Variants in MTUS2 observed in about 807,000 individuals in gnomAD.
MTUS2 encodes microtubule-associated tumor suppressor candidate 2.
MTUS2 carries 40 observed loss-of-function variants against 114.1 expected under a neutral mutation model. That is an observed-to-expected ratio of 0.35 (90% confidence interval 0.27 to 0.46). The LOEUF is 0.46. Ranked by LOEUF, MTUS2 falls within the 20% of genes least tolerant of loss-of-function variation. The pLI, the probability that MTUS2 is intolerant of heterozygous loss-of-function variation, is 1.00. For synonymous variants in MTUS2, 688 were observed against 672.0 expected (o/e 1.02, Z -0.37); for missense variants, 1,679 against 1,705.4 (o/e 0.98, Z 0.27).
chr13:29,479,274 C>T lies in MTUS2; in HGVS notation c.3185-876C>T, dbSNP rs1042825733. Among the ~76,000 whole-genome samples, 7 of 152,286 alleles carry T rather than the reference C, an allele frequency of 4.6e-5. No homozygotes were observed. The South Asian group carries it at 1.2e-3, about 27-fold the overall frequency. On this transcript the variant is annotated intron_variant, in intron 9 of 15. Transcript: ENST00000612955. ...ATTTGCATTTGGGTGTGTGTGGAAT[C>T]GGTTCCATTTGACCTAGATGTAGTC...
chr13:29,140,984 G>A (rs1427191124), intron 5 of MTUS2, among the ~76,000 whole-genome samples: 1 of 152,118 alleles, frequency 6.6e-6, no homozygotes, highest in Non-Finnish European at 1.5e-5. Flanking sequence ...TAGCCTTAGG[G>A]GTCCCCTGAC....
chr13:29,393,843 G>C (rs374291694), intron 8 of MTUS2, among the ~76,000 whole-genome samples: 3 of 152,172 alleles, frequency 2.0e-5, no homozygotes, highest in African/African-American at 7.2e-5. Context: ...GGGACAACTC[G>C]AAGTCGGGAG....
chr13:28,943,492 G>C (rs1260783898), intron 2 of MTUS2, among the ~76,000 whole-genome samples: 1 of 152,158 alleles, frequency 6.6e-6, no homozygotes, highest in Non-Finnish European at 1.5e-5. Flanking sequence ...AATGTGGCTA[G>C]GGGTGACATG....
At chr13:29,027,906 AG>A (rs374670260) in intron 3 of MTUS2, among the ~76,000 whole-genome samples, 44 of 152,290 alleles carry the variant, frequency 2.9e-4, no homozygotes, top group African/African-American at 9.1e-4. Context: ...CCCACCACAA[AG>A]GAAGGAGAGC....
chr13:29,014,937 T>A (rs905001905), intron 2 of MTUS2, among the ~76,000 whole-genome samples: 1 of 152,252 alleles, frequency 6.6e-6, no homozygotes, highest in Non-Finnish European at 1.5e-5. Flanking sequence ...CTGCATGGAC[T>A]CTTCTTCCTC....
rs531729964 is a variant in MTUS2, at chr13:29,437,580, C to T, written c.3118-2403C>T. On this transcript the variant is annotated intron_variant, in intron 8 of 15. Transcript: ENST00000612955. Reference sequence around the variant, plus strand: ...GTCTGATTAGAACATGTTCCCTGTTCTGGCTTCTCCAATCTCTGAACCACG... The same window carrying T: ...GTCTGATTAGAACATGTTCCCTGTTTTGGCTTCTCCAATCTCTGAACCACG... Among the ~76,000 whole-genome samples, 5 of 152,286 alleles carry T rather than the reference C, an allele frequency of 3.3e-5. No homozygotes were observed. In the South Asian group the frequency reaches 6.2e-4, roughly 19 times the overall value.
intron 2 of MTUS2, among the ~76,000 whole-genome samples, chr13:29,018,842 A>C (rs116992203): frequency 0.04 from 6,003 of 149,406 alleles, 192 homozygotes; most frequent in South Asian, 0.071. Context: ...ATTATCAGAG[A>C]TTGTGAGCTC....
intron 5 of MTUS2, among the ~76,000 whole-genome samples, chr13:29,207,083 T>C (rs1290435403): frequency 1.3e-5 from 2 of 152,204 alleles, no homozygotes; most frequent in African/African-American, 2.4e-5. Context: ...GTGATTTTTT[T>C]CGGCAGTGTT....
intron 2 of MTUS2, among the ~76,000 whole-genome samples, chr13:28,907,710 A>C (rs1220075232): frequency 6.6e-6 from 1 of 151,674 alleles, no homozygotes; most frequent in Admixed American, 6.6e-5. Context: ...TAACTATCCT[A>C]AATATATATG....
intron 2 of MTUS2, among the ~76,000 whole-genome samples, chr13:28,883,927 G>A (rs995775325): frequency 3.3e-5 from 5 of 152,262 alleles, no homozygotes; most frequent in Admixed American, 1.3e-4. Flanking sequence ...TGGAACTCAC[G>A]TGCATTGGCT....
chr13:28,902,113 C>T (rs569767655), intron 2 of MTUS2, among the ~76,000 whole-genome samples: 26 of 151,930 alleles, frequency 1.7e-4, no homozygotes, highest in Non-Finnish European at 3.1e-4. Context: ...CTTGTGTTTT[C>T]GATTTTGGTT....
intron 2 of MTUS2, among the ~76,000 whole-genome samples, chr13:28,896,821 A>G (rs192323474): frequency 1.8e-4 from 27 of 152,358 alleles, no homozygotes; most frequent in Admixed American, 2.0e-4. Context: ...CTATTTAATA[A>G]ATGGTGCTGG....
In MTUS2 at chr13:29,297,570, T is replaced by G. The variant is rs545877709; in HGVS notation, c.2806+15705T>G. The stretch of plus-strand genomic sequence containing the variant: ...TATTCTTACTTCGATGGAAGCCAAT[T>G]AATTGCATTTTACTGAAGTTACCTT... On this transcript the variant is annotated intron_variant, in intron 6 of 15. Coordinates refer to ENST00000612955, the MANE Select transcript of MTUS2 (RefSeq NM_001033602.4). Among the ~76,000 whole-genome samples, 10 of 152,328 alleles carry G rather than the reference T, an allele frequency of 6.6e-5. No homozygotes were observed. The South Asian group carries it at 2.1e-3, about 32-fold the overall frequency.
chr13:29,374,249 GAAGA>G (rs1460825916), intron 8 of MTUS2, among the ~76,000 whole-genome samples: 1 of 152,218 alleles, frequency 6.6e-6, no homozygotes, highest in Non-Finnish European at 1.5e-5. Flanking sequence ...GTTCCAGAGA[GAAGA>G]AAGAATGTGG....
At chr13:29,124,020 A>G (rs1158746379) in intron 5 of MTUS2, among the ~76,000 whole-genome samples, 2 of 152,242 alleles carry the variant, frequency 1.3e-5, no homozygotes, top group African/African-American at 4.8e-5. Flanking sequence ...GAAATGACAA[A>G]TAATTCTCTC....
intron 5 of MTUS2, among the ~76,000 whole-genome samples, chr13:29,166,974 G>A (rs1893341711): frequency 1.3e-5 from 2 of 152,210 alleles, no homozygotes; most frequent in South Asian, 4.1e-4. Flanking sequence ...AAGAACAGAA[G>A]TATCTACCAA....
intron 6 of MTUS2, among the ~76,000 whole-genome samples, chr13:29,286,674 C>CTATCTATCTATCTATCTATA (rs1898501162): frequency 1.4e-5 from 2 of 147,518 alleles, no homozygotes; most frequent in South Asian, 2.4e-4. Context: ...GTCTGTCTGT[C>CTATCTATCTATCTATCTATA]TATCTATCTA....
chr13:28,997,857 G>C (rs1885190665), intron 2 of MTUS2, among the ~76,000 whole-genome samples: 1 of 152,140 alleles, frequency 6.6e-6, no homozygotes, highest in African/African-American at 2.4e-5. Flanking sequence ...TTGCCAGTCT[G>C]TGCCTTTTAA....
At chr13:29,303,133 C>T (rs1306376452) in intron 6 of MTUS2, among the ~76,000 whole-genome samples, 1 of 152,186 alleles carries the variant, frequency 6.6e-6, no homozygotes, top group Non-Finnish European at 1.5e-5. Context: ...AAAGACCCCA[C>T]AAAAACCTCA....
Sources: allele counts gnomAD v4.1 joint callset (sites outside exome capture counted in the v4.1 genomes callset), GRCh38; gene constraint gnomAD v4.1.1; transcripts MANE v1.5; gene names NCBI Gene and HGNC (gene_info 2026-07-23, HGNC 2026-07-21).